ASH1L: variants seen among roughly 807,000 people sequenced by gnomAD.
ASH1L encodes histone-lysine N-methyltransferase ASH1L.
In ASH1L, 23 loss-of-function variants were observed where a neutral mutation model predicts 269.0. The observed-to-expected ratio is 0.09, with a 90% confidence interval of 0.06 to 0.12. The LOEUF is 0.12. ASH1L is among the 10% of genes least tolerant of loss of function. The probability of loss-of-function intolerance (pLI) is 1.00; values close to 1 mark genes in which losing one functional copy is unlikely to be tolerated. For missense variants in ASH1L, 2,912 were observed against 3,567.8 expected, an observed-to-expected ratio of 0.82 and a Z score of 4.68; for synonymous variants, 1,187 against 1,253.5, an observed-to-expected ratio of 0.95 and a Z score of 1.12.
chr1:155,411,171 AC>A (rs1659730230), intron 6 of ASH1L, among the ~76,000 whole-genome samples: 1 of 152,158 alleles, frequency 6.6e-6, no homozygotes, highest in African/African-American at 2.4e-5. Flanking sequence ...TGAAACTGAA[AC>A]TGCTCTAAAC....
chr1:155,560,068 T>C (rs1241305061), intron 1 of ASH1L, among the ~76,000 whole-genome samples: 1 of 152,212 alleles, frequency 6.6e-6, no homozygotes, highest in African/African-American at 2.4e-5. Context: ...AAAGTTCTCC[T>C]GTCAACATGT....
chr1:155,448,274 A>G (rs1663181120), intron 4 of ASH1L, among the ~76,000 whole-genome samples: 1 of 152,214 alleles, frequency 6.6e-6, no homozygotes. Context: ...GAAGTCAGGT[A>G]AAGTTATTTC....
intron 7 of ASH1L, among the ~76,000 whole-genome samples, chr1:155,393,558 CTTTTT>C (rs1188916609): frequency 7.0e-6 from 1 of 142,248 alleles, no homozygotes; most frequent in Non-Finnish European, 1.5e-5. Flanking sequence ...TATTTCTTTT[CTTTTT>C]TTTTTTTTTG....
At chr1:155,451,775 G>A (rs575988938) in intron 4 of ASH1L, among the ~76,000 whole-genome samples, 27 of 152,226 alleles carry the variant, frequency 1.8e-4, no homozygotes, top group Non-Finnish European at 3.5e-4. Flanking sequence ...AGGCTGGAGT[G>A]CACTGGTGTG....
chr1:155,360,209 G>T (rs111322924), intron 13 of ASH1L, 92 bp downstream of exon 13: 13 of 867,066 alleles, frequency 1.5e-5, no homozygotes, highest in African/African-American at 1.3e-4. Flanking sequence ...CTTCTTAATG[G>T]CTCCAAGTCA....
chr1:155,393,218 C>T (rs1658090825), intron 7 of ASH1L, among the ~76,000 whole-genome samples: 1 of 152,136 alleles, frequency 6.6e-6, no homozygotes, highest in Admixed American at 6.6e-5. Flanking sequence ...AATCTGTCTC[C>T]AGCCACCCAA....
intron 6 of ASH1L, among the ~76,000 whole-genome samples, chr1:155,404,565 AAAGTC>A: frequency 6.6e-6 from 1 of 152,244 alleles, no homozygotes; most frequent in Non-Finnish European, 1.5e-5. Context: ...GATCTTAAGC[AAAGTC>A]AAGACACACA....
intron 7 of ASH1L, among the ~76,000 whole-genome samples, chr1:155,386,990 T>A (rs1323794009): frequency 6.6e-6 from 1 of 152,092 alleles, no homozygotes; most frequent in Non-Finnish European, 1.5e-5. Flanking sequence ...AGTCTTTTTT[T>A]TTTTTTGAGA....
intron 2 of ASH1L, among the ~76,000 whole-genome samples, chr1:155,509,535 C>T (rs868750811): frequency 3.9e-5 from 6 of 152,136 alleles, no homozygotes; most frequent in African/African-American, 1.2e-4. Flanking sequence ...TGGTGGCTCA[C>T]GCCTATAATC....
rs542629435 is a variant in ASH1L at position 155,521,601 on chromosome 1, C to T, written c.-82G>A. On this transcript the variant is annotated 5_prime_UTR_variant, in exon 2 of 28. Coordinates refer to ENST00000392403, the MANE Select transcript of ASH1L (RefSeq NM_018489.3). ...ATAAAAAACAAGGATCTCCAAAACT[C>T]GAAACCAGCATCTTTCTCTGCAGAA... 6.0e-6 allele frequency: 8 copies of T among 1,327,514 alleles called. No homozygotes were observed. Among genetic ancestry groups the T allele is most frequent in the African/African-American group, 2.9e-5 (2 of 68,134 alleles). The allele number at this position is 1,327,514 out of a possible 1,614,324, so 82.2% of individuals were successfully genotyped here.
intron 6 of ASH1L, among the ~76,000 whole-genome samples, chr1:155,415,045 T>C (rs1397820509): frequency 1.3e-5 from 2 of 152,108 alleles, no homozygotes; most frequent in African/African-American, 4.8e-5. Flanking sequence ...GTCACCAATA[T>C]CATTTTAGTT....
At chr1:155,514,036 G>A (rs1668343590) in intron 2 of ASH1L, among the ~76,000 whole-genome samples, 1 of 152,190 alleles carries the variant, frequency 6.6e-6, no homozygotes, top group Non-Finnish European at 1.5e-5. Context: ...AGGGAAATAA[G>A]GCAGTTACCT....
In ASH1L at chr1:155,420,418, A is replaced by C. The variant is rs181775071; in HGVS notation, c.5829-4495T>G. 2.3e-3 allele frequency among the ~76,000 whole-genome samples: 352 copies of C among 151,496 alleles called. 3 individuals are homozygous for C. Among genetic ancestry groups the C allele is most frequent in the Non-Finnish European group, 3.7e-3 (252 of 67,852 alleles). ...CAAGAAAAGCATTAAATGCTTAGAT[A>C]TAAATCAAACAAAATAATACAGAAA... On this transcript the variant is annotated intron_variant, in intron 5 of 27. Transcript: ENST00000392403.
At chr1:155,377,527 TG>T (rs1297374026) in intron 10 of ASH1L, among the ~76,000 whole-genome samples, 1 of 151,898 alleles carries the variant, frequency 6.6e-6, no homozygotes, top group African/African-American at 2.4e-5. Context: ...CCCAGGAGTT[TG>T]AATCCAGCCT....
At chr1:155,386,966 G>C (rs1657487266) in intron 7 of ASH1L, among the ~76,000 whole-genome samples, 1 of 151,586 alleles carries the variant, frequency 6.6e-6, no homozygotes, top group African/African-American at 2.4e-5. Flanking sequence ...TTATAGTTTT[G>C]GGTTTTACAA....
chr1:155,366,926 T>C (rs1655479557), intron 12 of ASH1L, among the ~76,000 whole-genome samples: 1 of 151,940 alleles, frequency 6.6e-6, no homozygotes, highest in Non-Finnish European at 1.5e-5. Flanking sequence ...TCTGTGCATC[T>C]TGGCCTCTGA....
chr1:155,401,743 G>A (rs1375823586), intron 6 of ASH1L, among the ~76,000 whole-genome samples: 2 of 151,596 alleles, frequency 1.3e-5, no homozygotes, highest in African/African-American at 2.4e-5. Flanking sequence ...AGCCAAGATC[G>A]TGCTATTGCA....
chr1:155,423,958 C>A (rs1660929887), intron 5 of ASH1L, among the ~76,000 whole-genome samples: 1 of 152,142 alleles, frequency 6.6e-6, no homozygotes, highest in Non-Finnish European at 1.5e-5. Context: ...AACTCCTGAC[C>A]CCATGATCCG....
chr1:155,489,088 TA>T (rs925323739), intron 2 of ASH1L, among the ~76,000 whole-genome samples: 3 of 152,208 alleles, frequency 2.0e-5, no homozygotes, highest in African/African-American at 7.2e-5. Flanking sequence ...AAATAAGAGT[TA>T]GATGTTAAAT....
Sources: allele counts gnomAD v4.1 joint callset (sites outside exome capture counted in the v4.1 genomes callset), GRCh38; gene constraint gnomAD v4.1.1; transcripts MANE v1.5; gene names NCBI Gene and HGNC (gene_info 2026-07-23, HGNC 2026-07-21).